Variants in DPP6 observed in about 807,000 individuals in gnomAD.
The protein encoded by DPP6 is A-type potassium channel modulatory protein DPP6.
Under a neutral mutation model 122.6 loss-of-function variants are expected in DPP6, and 69 were observed. The observed-to-expected ratio is 0.56, with a 90% confidence interval of 0.46 to 0.69. The LOEUF (loss-of-function observed/expected upper bound fraction) is 0.69. Ranked by LOEUF, DPP6 falls within the 30% of genes least tolerant of loss-of-function variation. The pLI is 0.00. For synonymous variants in DPP6, 418 were observed against 433.1 expected, an observed-to-expected ratio of 0.97 and a Z score of 0.43; for missense variants, 928 against 1,116.9, an observed-to-expected ratio of 0.83 and a Z score of 2.41.
the DPP6 span, among the ~76,000 whole-genome samples, chr7:153,788,869 G>T: frequency 1.3e-5 from 2 of 152,030 alleles, no homozygotes; most frequent in Non-Finnish European, 2.9e-5. Context: ...GGAGGCTGAG[G>T]CAGGAGAATT....
At chr7:153,786,376 A>G in the DPP6 span, among the ~76,000 whole-genome samples, 2 of 151,032 alleles carry the variant, frequency 1.3e-5, no homozygotes, top group African/African-American at 4.9e-5. Context: ...TTCACAAAAC[A>G]ATACTTCAGG....
intron 1 of DPP6, among the ~76,000 whole-genome samples, chr7:154,127,216 A>G (rs942413895): frequency 6.6e-6 from 1 of 152,240 alleles, no homozygotes; most frequent in Non-Finnish European, 1.5e-5. Context: ...CAATTAAATT[A>G]ATATCTCAAA....
At chr7:153,866,073 T>C in the DPP6 span, among the ~76,000 whole-genome samples, 1 of 152,136 alleles carries the variant, frequency 6.6e-6, no homozygotes, top group Non-Finnish European at 1.5e-5. Flanking sequence ...TTGGGTTGGT[T>C]CCAAGTCTTT....
the DPP6 span, among the ~76,000 whole-genome samples, chr7:153,752,529 G>A: frequency 3.3e-5 from 5 of 151,676 alleles, no homozygotes; most frequent in East Asian, 1.9e-4. Flanking sequence ...GATTACAGGC[G>A]TGAGCCACCA....
At chr7:154,558,757 C>T (rs1205156701) in intron 4 of DPP6, among the ~76,000 whole-genome samples, 1 of 152,178 alleles carries the variant, frequency 6.6e-6, no homozygotes, top group Admixed American at 6.5e-5. Context: ...TGCACAATGG[C>T]AGAATCGCCC....
chr7:153,974,514 G>A (rs1476929967), intron 1 of DPP6, among the ~76,000 whole-genome samples: 3 of 152,086 alleles, frequency 2.0e-5, no homozygotes, highest in Non-Finnish European at 4.4e-5. Context: ...ATGGGAATGT[G>A]TCAATGTGCA....
At chr7:154,811,712 A>C (rs150773274) in intron 16 of DPP6, among the ~76,000 whole-genome samples, 348 of 152,326 alleles carry the variant, frequency 2.3e-3, no homozygotes, top group African/African-American at 7.8e-3. Flanking sequence ...TTCTCAGTAG[A>C]TATTAAAATG....
chr7:153,803,143 C>A, the DPP6 span, among the ~76,000 whole-genome samples: 66 of 151,832 alleles, frequency 4.3e-4, no homozygotes, highest in South Asian at 0.011. Flanking sequence ...TGGCTTGGTC[C>A]AGACACGTGG....
At chr7:153,888,705 CTTTTTTTTTTTT>C (rs142238331) in intron 1 of DPP6, among the ~76,000 whole-genome samples, 1 of 77,000 alleles carries the variant, frequency 1.3e-5, no homozygotes, top group African/African-American at 5.5e-5. Context: ...CTGGCTGGCA[CTTTTTTTTTTTT>C]TTTTTTTTTT....
intron 17 of DPP6, among the ~76,000 whole-genome samples, chr7:154,857,776 C>T (rs904411821): frequency 5.3e-5 from 8 of 152,214 alleles, no homozygotes; most frequent in East Asian, 1.9e-4. Flanking sequence ...ATGTGGTTTG[C>T]GGGGGGATGT....
At chr7:154,687,075 G>A (rs995500758) in intron 7 of DPP6, among the ~76,000 whole-genome samples, 3 of 30,560 alleles carry the variant, frequency 9.8e-5, no homozygotes, top group Non-Finnish European at 1.8e-4. Context: ...ATACTCATGT[G>A]ACTTGAGGTT....
the DPP6 span, among the ~76,000 whole-genome samples, chr7:153,788,605 C>T: frequency 6.6e-6 from 1 of 152,160 alleles, no homozygotes; most frequent in Non-Finnish European, 1.5e-5. Context: ...GGAGTTCATA[C>T]TGCCATAACT....
intron 1 of DPP6, among the ~76,000 whole-genome samples, chr7:154,074,018 T>A (rs1585316943): frequency 7.7e-6 from 1 of 129,482 alleles, no homozygotes; most frequent in Non-Finnish European, 1.7e-5. Context: ...TATGTATGTA[T>A]GTATGTATGT....
chr7:154,494,302 G>A (rs1824535000), intron 3 of DPP6, among the ~76,000 whole-genome samples: 1 of 151,626 alleles, frequency 6.6e-6, no homozygotes, highest in African/African-American at 2.4e-5. Context: ...GCTGTGGTGG[G>A]CTGACATCGC....
intron 1 of DPP6, among the ~76,000 whole-genome samples, chr7:153,888,467 C>T (rs965576812): frequency 6.6e-6 from 1 of 152,184 alleles, no homozygotes; most frequent in Non-Finnish European, 1.5e-5. Flanking sequence ...AGCGAGCCCA[C>T]CCGCCTCGCC....
chr7:154,129,899 C>CAAA (rs753343107), intron 1 of DPP6, among the ~76,000 whole-genome samples: 1 of 108,338 alleles, frequency 9.2e-6, no homozygotes, highest in African/African-American at 3.5e-5. Context: ...GACTCTGTCT[C>CAAA]AAAAAAAAAA....
intron 3 of DPP6, among the ~76,000 whole-genome samples, chr7:154,490,559 T>A (rs898119943): frequency 6.6e-6 from 1 of 152,226 alleles, no homozygotes; most frequent in Non-Finnish European, 1.5e-5. Flanking sequence ...ATTTTTGCTG[T>A]TAGCTTCTCA....
At chr7:153,841,158 G>A in the DPP6 span, among the ~76,000 whole-genome samples, 1 of 152,332 alleles carries the variant, frequency 6.6e-6, no homozygotes, top group East Asian at 1.9e-4. Flanking sequence ...TGGATATTAT[G>A]TGATGATGGG....
intron 1 of DPP6, among the ~76,000 whole-genome samples, chr7:153,997,354 T>C (rs1282235141): frequency 6.6e-6 from 1 of 152,188 alleles, no homozygotes; most frequent in Admixed American, 6.5e-5. Flanking sequence ...CTTGTTACGC[T>C]ATTTTATTTT....
Sources: gnomAD v4.1 joint callset for allele counts (sites outside exome capture counted in the v4.1 genomes callset) on GRCh38, gnomAD v4.1.1 for gene constraint, MANE v1.5 for transcripts, NCBI Gene and HGNC (gene_info 2026-07-23, HGNC 2026-07-21) for gene names.